The following ZNF804B variants were observed in gnomAD, a reference collection of about 807,000 sequenced individuals.
ZNF804B encodes the protein zinc finger 804B.
ZNF804B carries 80 observed loss-of-function variants against 101.4 expected under a neutral mutation model. That is an observed-to-expected ratio of 0.79 (90% CI 0.66 to 0.95). The LOEUF (loss-of-function observed/expected upper bound fraction) is 0.95, where lower values mean the gene tolerates loss of function less well. Ranked by LOEUF, ZNF804B falls within the 40% of genes least tolerant of loss-of-function variation. ZNF804B has a pLI of 0.00. For missense variants in ZNF804B, 1,673 were observed against 1,561.9 expected (o/e 1.07, Z -1.20); for synonymous variants, 622 against 558.8 (o/e 1.11, Z -1.59).
chr7:88,951,201 A>G (rs1793212213), intron 1 of ZNF804B, among the ~76,000 whole-genome samples: 2 of 151,842 alleles, frequency 1.3e-5, no homozygotes, highest in African/African-American at 2.4e-5. Flanking sequence ...CTTCTTTTCT[A>G]TGTTAGTGCT....
chr7:89,073,425 T>C (rs1789570524), intron 1 of ZNF804B, among the ~76,000 whole-genome samples: 3 of 152,148 alleles, frequency 2.0e-5, no homozygotes, highest in Non-Finnish European at 4.4e-5. Context: ...TTATTCCACA[T>C]AAAGTTTTTA....
At chr7:89,171,832 C>T (rs1791241885) in intron 1 of ZNF804B, among the ~76,000 whole-genome samples, 1 of 152,084 alleles carries the variant, frequency 6.6e-6, no homozygotes, top group Non-Finnish European at 1.5e-5. Flanking sequence ...GAGCCTGGAT[C>T]ATCTTATTTT....
At chr7:89,206,030 C>T (rs1562915524) in intron 1 of ZNF804B, among the ~76,000 whole-genome samples, 2 of 152,210 alleles carry the variant, frequency 1.3e-5, no homozygotes, top group African/African-American at 2.4e-5. Context: ...CTTAATACCA[C>T]GTGGAAGCTG....
At chr7:89,085,436 G>T (rs148927697) in intron 1 of ZNF804B, among the ~76,000 whole-genome samples, 25 of 152,002 alleles carry the variant, frequency 1.6e-4, no homozygotes, top group African/African-American at 5.5e-4. Flanking sequence ...TGTTCTTGGA[G>T]TTGATGAATT....
At chr7:88,933,286 A>G (rs1013646611) in intron 1 of ZNF804B, among the ~76,000 whole-genome samples, 3 of 151,808 alleles carry the variant, frequency 2.0e-5, no homozygotes, top group African/African-American at 7.2e-5. Flanking sequence ...GACATAGTAG[A>G]AACTTATCTC....
intron 2 of ZNF804B, among the ~76,000 whole-genome samples, chr7:89,322,219 A>G (rs958749764): frequency 6.6e-6 from 1 of 152,204 alleles, no homozygotes; most frequent in Admixed American, 6.5e-5. Flanking sequence ...TGACATAATG[A>G]TATTTATAGA....
chr7:89,332,036 T>C (rs974186216), intron 3 of ZNF804B, among the ~76,000 whole-genome samples: 1 of 151,268 alleles, frequency 6.6e-6, no homozygotes, highest in Non-Finnish European at 1.5e-5. Flanking sequence ...ATACTCTTTA[T>C]GTAACAAATC....
chr7:89,329,073 TA>T (rs1322637997), intron 3 of ZNF804B, among the ~76,000 whole-genome samples: 1 of 151,678 alleles, frequency 6.6e-6, no homozygotes, highest in Non-Finnish European at 1.5e-5. Context: ...TTCTTTCAAA[TA>T]AAAAGGTCCA....
rs185619345 is a variant in ZNF804B, at chr7:89,061,482, C to T, written c.109-156673C>T. Among the ~76,000 whole-genome samples, 6 of 152,030 alleles carry T rather than the reference C, an allele frequency of 3.9e-5. No homozygotes were observed. The East Asian group carries it at 1.2e-3, about 30-fold the overall frequency. ...TTATGTTCAAAATTTCAACTACCAC[C>T]TACGCATTTTATAACTCTGAAATGT... On this transcript the variant is annotated intron_variant, in intron 1 of 3. Coordinates refer to ENST00000333190, the MANE Select transcript of ZNF804B (RefSeq NM_181646.5).
At chr7:89,203,918 GA>G (rs2115657842) in intron 1 of ZNF804B, among the ~76,000 whole-genome samples, 1 of 152,264 alleles carries the variant, frequency 6.6e-6, no homozygotes, top group Non-Finnish European at 1.5e-5. Context: ...ATTAATACCA[GA>G]ACAATTTAAG....
intron 1 of ZNF804B, among the ~76,000 whole-genome samples, chr7:89,169,173 G>A (rs1791189175): frequency 6.6e-6 from 1 of 152,150 alleles, no homozygotes; most frequent in Non-Finnish European, 1.5e-5. Context: ...TGGCAGGTCT[G>A]TGATGGTGGG....
At chr7:89,110,064 C>T (rs1409271285) in intron 1 of ZNF804B, among the ~76,000 whole-genome samples, 1 of 151,946 alleles carries the variant, frequency 6.6e-6, no homozygotes, top group Non-Finnish European at 1.5e-5. Context: ...ATGATAAAAC[C>T]AGTGATTCCA....
intron 1 of ZNF804B, among the ~76,000 whole-genome samples, chr7:88,892,995 T>C (rs1385968755): frequency 6.6e-6 from 1 of 152,144 alleles, no homozygotes; most frequent in African/African-American, 2.4e-5. Flanking sequence ...TAAACTTAGT[T>C]TATTTGCAGA....
intron 1 of ZNF804B, among the ~76,000 whole-genome samples, chr7:89,107,778 A>G (rs1790157774): frequency 6.6e-6 from 1 of 152,146 alleles, no homozygotes; most frequent in Non-Finnish European, 1.5e-5. Flanking sequence ...AATCCATACA[A>G]AAAGAACAAG....
chr7:89,047,653 A>G (rs1308055644), intron 1 of ZNF804B, among the ~76,000 whole-genome samples: 1 of 152,164 alleles, frequency 6.6e-6, no homozygotes, highest in African/African-American at 2.4e-5. Flanking sequence ...ACAAATGGAG[A>G]AACATGCACA....
intron 2 of ZNF804B, among the ~76,000 whole-genome samples, chr7:89,317,244 C>T (rs1244332818): frequency 6.6e-6 from 1 of 152,168 alleles, no homozygotes; most frequent in Non-Finnish European, 1.5e-5. Context: ...AAGGTTTTCT[C>T]CTGCCTATAC....
chr7:88,990,751 T>C (rs1185577672), intron 1 of ZNF804B, among the ~76,000 whole-genome samples: 1 of 152,180 alleles, frequency 6.6e-6, no homozygotes, highest in Non-Finnish European at 1.5e-5. Context: ...TTAACACTTT[T>C]ACTGTATGAG....
chr7:88,855,569 A>C (rs1425494295), intron 1 of ZNF804B, among the ~76,000 whole-genome samples: 2 of 152,152 alleles, frequency 1.3e-5, no homozygotes, highest in East Asian at 1.9e-4. Context: ...GTTCACTCTG[A>C]TGGTAGTTTC....
intron 1 of ZNF804B, among the ~76,000 whole-genome samples, chr7:89,057,662 A>T (rs1009632755): frequency 2.6e-5 from 4 of 152,110 alleles, no homozygotes; most frequent in African/African-American, 9.7e-5. Context: ...AAGAGAGGTG[A>T]GGCTGAGTAG....
Sources: gnomAD v4.1 joint callset for allele counts (sites outside exome capture counted in the v4.1 genomes callset) on GRCh38, gnomAD v4.1.1 for gene constraint, MANE v1.5 for transcripts, NCBI Gene and HGNC (gene_info 2026-07-23, HGNC 2026-07-21) for gene names.